The following MCTP1 variants were observed in gnomAD, a reference collection of about 807,000 sequenced individuals.
MCTP1 encodes the protein multiple C2 and transmembrane domain containing 1.
Under a neutral mutation model 120.6 loss-of-function variants are expected in MCTP1, and 69 were observed. That is an observed-to-expected ratio of 0.57 (90% CI 0.47 to 0.70). The LOEUF (loss-of-function observed/expected upper bound fraction) is 0.70, where lower values mean the gene tolerates loss of function less well. MCTP1 is among the 30% of genes least tolerant of loss of function. The pLI, the probability that MCTP1 is intolerant of heterozygous loss-of-function variation, is 0.00. For synonymous variants in MCTP1, 529 were observed against 493.1 expected, an observed-to-expected ratio of 1.07 and a Z score of -0.96; for missense variants, 1,203 against 1,248.8, an observed-to-expected ratio of 0.96 and a Z score of 0.55.
At chr5:95,270,394 C>G (rs1031423113) in intron 1 of MCTP1, among the ~76,000 whole-genome samples, 1 of 152,152 alleles carries the variant, frequency 6.6e-6, no homozygotes, top group Non-Finnish European at 1.5e-5. Flanking sequence ...GTAAATAAAT[C>G]AGTTAATATA....
chr5:94,828,223 G>C (rs1196823828), intron 17 of MCTP1, among the ~76,000 whole-genome samples: 1 of 152,170 alleles, frequency 6.6e-6, no homozygotes. Context: ...CTCCTCTTCT[G>C]CAGGTCTGCT....
chr5:95,021,712 A>G (rs1264832838), intron 1 of MCTP1, among the ~76,000 whole-genome samples: 2 of 152,046 alleles, frequency 1.3e-5, no homozygotes, highest in African/African-American at 4.8e-5. Flanking sequence ...TATAGAAATC[A>G]TATTGTCTGT....
At chr5:94,734,684 C>T (rs9314118) in intron 19 of MCTP1, among the ~76,000 whole-genome samples, 46,149 of 151,982 alleles carry the variant, frequency 0.3, 7,176 homozygotes, top group Non-Finnish European at 0.34. Context: ...CTTAGACTCC[C>T]GGCCTAAAGC....
intron 2 of MCTP1, among the ~76,000 whole-genome samples, chr5:95,008,895 T>A (rs1404470879): frequency 6.6e-6 from 1 of 152,012 alleles, no homozygotes; most frequent in Non-Finnish European, 1.5e-5. Flanking sequence ...ATGGGCACAG[T>A]GGCTTACACT....
rs557771525 is a variant in MCTP1 at position 94,863,928 on chromosome 5, G to A, written c.2436+4405C>T. Among the ~76,000 whole-genome samples the A allele has an allele frequency of 2.2e-4, 33 of 151,790 alleles. No individual in the cohort carries two copies. In the South Asian group the frequency reaches 6.4e-3, roughly 30 times the overall value. ...TCTGCATAATGGCCCAGCTTTCTGG[G>A]AGTAACTGTTGTCCCGAATATGATC... On this transcript the variant is annotated intron_variant, in intron 17 of 22. Transcript: ENST00000515393.
At chr5:94,773,929 C>T (rs200172091) in intron 19 of MCTP1, among the ~76,000 whole-genome samples, 430 of 39,524 alleles carry the variant, frequency 0.011, 109 homozygotes, top group South Asian at 2.2e-3. Context: ...ATGAAATAGG[C>T]CGGGCGCGGT....
chr5:95,111,980 A>T (rs1022605543), intron 1 of MCTP1, among the ~76,000 whole-genome samples: 5 of 152,212 alleles, frequency 3.3e-5, no homozygotes, highest in African/African-American at 9.6e-5. Context: ...CATCTAACTT[A>T]TCTTGGTATT....
In MCTP1 at chr5:94,953,321, T is replaced by C; in HGVS notation, c.879A>G (p.Lys293=). 3 of 1,610,292 alleles carry C rather than the reference T, an allele frequency of 1.9e-6. No individual in the cohort carries two copies. The highest frequency in any genetic ancestry group is 2.2e-5 in the East Asian group (1 of 44,714). Residue 293 remains lysine, a synonymous_variant, in exon 3 of 23, where the codon AAA becomes AAG. Transcript: ENST00000515393. The part of the protein sequence containing the change: ...DPYVKFKIGG[K]EVFRSKIIHK... ...GTATTATCTTACTTCTAAAAACTTC[T>C]TTTCCTCCGATTTTAAACTTCACAT...
intron 1 of MCTP1, among the ~76,000 whole-genome samples, chr5:95,274,716 C>A (rs1033325150): frequency 6.6e-6 from 1 of 152,002 alleles, no homozygotes; most frequent in African/African-American, 2.4e-5. Context: ...CTCTGCCTCC[C>A]GGGTTCATGC....
chr5:94,758,034 A>G (rs1211070661), intron 19 of MCTP1, among the ~76,000 whole-genome samples: 3 of 152,234 alleles, frequency 2.0e-5, no homozygotes, highest in African/African-American at 7.2e-5. Context: ...AGGCCTCAAA[A>G]GAAAAAAATG....
chr5:94,987,289 A>G (rs1830594574), intron 2 of MCTP1, among the ~76,000 whole-genome samples: 1 of 152,118 alleles, frequency 6.6e-6, no homozygotes, highest in East Asian at 1.9e-4. Flanking sequence ...TGCCACCTAT[A>G]TTATTATAAG....
chr5:94,797,647 G>C (rs530207159), intron 18 of MCTP1, among the ~76,000 whole-genome samples: 1 of 152,102 alleles, frequency 6.6e-6, no homozygotes, highest in South Asian at 2.1e-4. Flanking sequence ...ATCTCTATTA[G>C]CAATCTCATG....
At chr5:94,903,072 C>T (rs1044381809) in intron 10 of MCTP1, among the ~76,000 whole-genome samples, 6 of 151,994 alleles carry the variant, frequency 3.9e-5, no homozygotes, top group South Asian at 2.1e-4. Context: ...AAAACCAAGA[C>T]GAAAATCAAC....
chr5:94,909,883 G>A (rs775108087), intron 9 of MCTP1, among the ~76,000 whole-genome samples: 4 of 151,954 alleles, frequency 2.6e-5, no homozygotes, highest in Non-Finnish European at 5.9e-5. Flanking sequence ...GGAGAAAAAC[G>A]CAAGTAGCTT....
intron 1 of MCTP1, among the ~76,000 whole-genome samples, chr5:95,253,794 G>A (rs2152703513): frequency 6.6e-6 from 1 of 152,170 alleles, no homozygotes; most frequent in East Asian, 1.9e-4. Flanking sequence ...ACGAGTGTGG[G>A]AGGAAAGGAG....
chr5:94,716,932 G>A (rs945162588), intron 19 of MCTP1, among the ~76,000 whole-genome samples: 13 of 152,026 alleles, frequency 8.6e-5, no homozygotes. Flanking sequence ...AGTGTACCCA[G>A]TATTTAATTA....
chr5:94,851,711 G>A (rs369520260), intron 17 of MCTP1, among the ~76,000 whole-genome samples: 1 of 151,900 alleles, frequency 6.6e-6, no homozygotes, highest in Non-Finnish European at 1.5e-5. Flanking sequence ...TAACAAAATC[G>A]TCAAAGAAAA....
At chr5:95,041,195 T>C (rs926188943) in intron 1 of MCTP1, among the ~76,000 whole-genome samples, 1 of 151,506 alleles carries the variant, frequency 6.6e-6, no homozygotes, top group Non-Finnish European at 1.5e-5. Flanking sequence ...ATGCTTATCA[T>C]ACTACTTTTA....
At position 95,212,746 on chromosome 5, in the gene MCTP1, G is replaced by A. The variant is rs573284233; in HGVS notation, c.720+71110C>T. On this transcript the variant is annotated intron_variant, in intron 1 of 22. Transcript: ENST00000515393. ...ATAAATGTAATCCAGCATATAAACA[G>A]AACCAAAGACAAAAACCACATGATT... Among the ~76,000 whole-genome samples, 3 of 152,012 alleles carry A rather than the reference G, an allele frequency of 2.0e-5. No homozygotes were observed. In the South Asian group the frequency reaches 6.2e-4, roughly 32 times the overall value.
Sources: allele counts gnomAD v4.1 joint callset (sites outside exome capture counted in the v4.1 genomes callset), GRCh38; gene constraint gnomAD v4.1.1; transcripts MANE v1.5; gene names NCBI Gene and HGNC (gene_info 2026-07-23, HGNC 2026-07-21).